Variants in PDGFD observed in about 807,000 individuals in gnomAD.
PDGFD encodes platelet derived growth factor D.
In PDGFD, 30 loss-of-function variants were observed where a neutral mutation model predicts 44.7. The observed-to-expected ratio is 0.67, with a 90% CI of 0.50 to 0.91. The LOEUF is 0.91. PDGFD is among the 40% of genes least tolerant of loss of function. The probability of loss-of-function intolerance (pLI) is 0.00; values close to 1 mark genes in which losing one functional copy is unlikely to be tolerated. For synonymous variants in PDGFD, 173 were observed against 168.4 expected (o/e 1.03, Z -0.21); for missense variants, 445 against 457.8 (o/e 0.97, Z 0.25).
intron 1 of PDGFD, among the ~76,000 whole-genome samples, chr11:104,098,767 C>G (rs990304533): frequency 1.3e-5 from 2 of 152,102 alleles, no homozygotes; most frequent in African/African-American, 4.8e-5. Flanking sequence ...ATTACCACCT[C>G]GGTCTCCCAA....
Position 103,990,312 on chromosome 11 carries a change from T to C in PDGFD, c.510+5753A>G, listed in dbSNP as rs144062369. On this transcript the variant is annotated intron_variant, in intron 3 of 6. Transcript: ENST00000393158. The stretch of plus-strand genomic sequence containing the variant: ...TCTCCTTTTGCTTAGTGCACTCTTC[T>C]TCCATAGCTTTGCGTCATTGCTTCC... Among the ~76,000 whole-genome samples, 52 of 152,334 alleles carry C rather than the reference T, an allele frequency of 3.4e-4. 1 individual carries two copies. In the East Asian group the frequency reaches 9.8e-3, roughly 29 times the overall value.
chr11:104,148,073 A>T (rs912848126), intron 1 of PDGFD, among the ~76,000 whole-genome samples: 2 of 152,198 alleles, frequency 1.3e-5, no homozygotes, highest in Admixed American at 6.5e-5. Flanking sequence ...GAAATTTTGC[A>T]CCTGGCATAA....
rs183755375 is a variant in PDGFD at position 104,047,325 on chromosome 11, C to T, written c.125-47070G>A. ...CTTGAAGAATCGCCACACTGTCTTC[C>T]ACAATAGTTGAACTAACTTACACTC... On this transcript the variant is annotated intron_variant, in intron 1 of 6. Transcript: ENST00000393158. Among the ~76,000 whole-genome samples, 238 of 147,658 alleles carry T rather than the reference C, an allele frequency of 1.6e-3. 28 individuals carry two copies. The highest frequency in any genetic ancestry group is 1.6e-3 in the Non-Finnish European group (104 of 66,044).
At chr11:103,948,326 G>A (rs1415953577) in intron 3 of PDGFD, among the ~76,000 whole-genome samples, 1 of 152,126 alleles carries the variant, frequency 6.6e-6, no homozygotes, top group African/African-American at 2.4e-5. Flanking sequence ...GACTGGTAGT[G>A]ACTAAGTACT....
At chr11:103,957,339 C>T (rs1285789985) in intron 3 of PDGFD, among the ~76,000 whole-genome samples, 1 of 152,158 alleles carries the variant, frequency 6.6e-6, no homozygotes, top group Admixed American at 6.6e-5. Context: ...CTACCAATGA[C>T]TTTCTTCACA....
intron 3 of PDGFD, among the ~76,000 whole-genome samples, chr11:103,949,113 C>A (rs913230142): frequency 1.3e-5 from 2 of 150,060 alleles, no homozygotes; most frequent in African/African-American, 2.4e-5. Flanking sequence ...AGCAATTCTC[C>A]TGCCTCAGCC....
intron 1 of PDGFD, among the ~76,000 whole-genome samples, chr11:104,055,577 GA>G (rs1224022861): frequency 1.3e-5 from 2 of 152,088 alleles, no homozygotes; most frequent in African/African-American, 4.8e-5. Flanking sequence ...TGAAGATTAA[GA>G]AAAAGTTTAA....
At chr11:104,022,027 A>T (rs779042919) in intron 1 of PDGFD, among the ~76,000 whole-genome samples, 5 of 152,196 alleles carry the variant, frequency 3.3e-5, no homozygotes, top group Admixed American at 1.3e-4. Context: ...ACCCCAGTTA[A>T]TGTAGCAAAG....
chr11:104,066,800 C>A (rs1040939129), intron 1 of PDGFD, among the ~76,000 whole-genome samples: 5 of 152,132 alleles, frequency 3.3e-5, no homozygotes, highest in Non-Finnish European at 5.9e-5. Context: ...TTCATACGAT[C>A]AAATCACACT....
intron 1 of PDGFD, among the ~76,000 whole-genome samples, chr11:104,101,760 A>G (rs929316873): frequency 5.9e-5 from 9 of 152,088 alleles, no homozygotes; most frequent in South Asian, 4.1e-4. Context: ...CAGAGCCCCC[A>G]GAAATAATGC....
intron 1 of PDGFD, among the ~76,000 whole-genome samples, chr11:104,145,274 T>C (rs1862146440): frequency 6.6e-6 from 1 of 152,214 alleles, no homozygotes; most frequent in Admixed American, 6.5e-5. Flanking sequence ...TTAACCAGTG[T>C]TGGTATAAAC....
chr11:103,971,540 G>GTA (rs143890797), intron 3 of PDGFD, among the ~76,000 whole-genome samples: 35,745 of 151,844 alleles, frequency 0.24, 4,270 homozygotes, highest in Middle Eastern at 0.4. Flanking sequence ...ACAGCAATGT[G>GTA]TATACAGAGA....
At chr11:103,988,391 G>A (rs1203161504) in intron 3 of PDGFD, among the ~76,000 whole-genome samples, 1 of 151,698 alleles carries the variant, frequency 6.6e-6, no homozygotes, top group Non-Finnish European at 1.5e-5. Context: ...TCTCAAGCTG[G>A]AAATGTGTTT....
intron 6 of PDGFD, among the ~76,000 whole-genome samples, chr11:103,916,161 C>G (rs1858121868): frequency 6.6e-6 from 1 of 152,046 alleles, no homozygotes; most frequent in African/African-American, 2.4e-5. Flanking sequence ...AAGCAACCTA[C>G]AGAATGGGAG....
At chr11:104,026,034 G>T (rs1019557934) in intron 1 of PDGFD, among the ~76,000 whole-genome samples, 3 of 152,278 alleles carry the variant, frequency 2.0e-5, no homozygotes, top group Non-Finnish European at 4.4e-5. Flanking sequence ...GGTAGGAAGG[G>T]CTGTGTTCCT....
intron 3 of PDGFD, among the ~76,000 whole-genome samples, chr11:103,976,034 A>T (rs1859179050): frequency 6.6e-6 from 1 of 152,184 alleles, no homozygotes; most frequent in South Asian, 2.1e-4. Context: ...TCTGTGAAGA[A>T]AGTCAATGAT....
At chr11:103,919,610 G>C (rs990978305) in intron 6 of PDGFD, among the ~76,000 whole-genome samples, 5 of 143,464 alleles carry the variant, frequency 3.5e-5, no homozygotes, top group African/African-American at 1.3e-4. Flanking sequence ...CCGGGTTCAA[G>C]TGATTCTCCT....
chr11:103,941,061 C>T (rs532827699), intron 5 of PDGFD, among the ~76,000 whole-genome samples: 3 of 152,162 alleles, frequency 2.0e-5, no homozygotes, highest in Admixed American at 2.0e-4. Context: ...GAGACTGTTC[C>T]AAGTACTGCA....
intron 1 of PDGFD, among the ~76,000 whole-genome samples, chr11:104,098,748 T>G (rs1861322712): frequency 6.6e-6 from 1 of 152,166 alleles, no homozygotes; most frequent in East Asian, 1.9e-4. Context: ...ATTTCTTGGC[T>G]TAAGTGATAT....
Sources: gnomAD v4.1 joint callset for allele counts (sites outside exome capture counted in the v4.1 genomes callset) on GRCh38, gnomAD v4.1.1 for gene constraint, MANE v1.5 for transcripts, NCBI Gene and HGNC (gene_info 2026-07-23, HGNC 2026-07-21) for gene names.